The following CAMK2B variants were observed in gnomAD, a reference collection of about 807,000 sequenced individuals.
CAMK2B encodes the protein calcium/calmodulin-dependent protein kinase type II subunit beta.
CAMK2B carries 27 observed loss-of-function variants against 93.7 expected under a neutral mutation model. The ratio of observed to expected loss-of-function variants is 0.29; its 90% CI spans 0.21 to 0.40. The LOEUF (loss-of-function observed/expected upper bound fraction) is 0.40, where lower values mean the gene tolerates loss of function less well. Ranked by LOEUF, CAMK2B falls within the 10% of genes least tolerant of loss-of-function variation. The probability of loss-of-function intolerance (pLI) is 1.00; values close to 1 mark genes in which losing one functional copy is unlikely to be tolerated. For missense variants in CAMK2B, 568 were observed against 895.8 expected, an observed-to-expected ratio of 0.63 and a Z score of 4.67; for synonymous variants, 374 against 358.8, an observed-to-expected ratio of 1.04 and a Z score of -0.48.
At chr7:44,247,852 A>T (rs1033239814) in intron 5 of CAMK2B, among the ~76,000 whole-genome samples, 3 of 152,102 alleles carry the variant, frequency 2.0e-5, no homozygotes, top group South Asian at 2.1e-4. Context: ...ACATGGCGAA[A>T]CCCCGTCTCT....
At chr7:44,260,939 C>A (rs1181052285) in intron 3 of CAMK2B, among the ~76,000 whole-genome samples, 1 of 152,240 alleles carries the variant, frequency 6.6e-6, no homozygotes, top group Non-Finnish European at 1.5e-5. Context: ...CCGGGGCTGT[C>A]TGTGAGCCGA....
chr7:44,236,176 A>AGGCCTG (rs1163649677), intron 13 of CAMK2B, among the ~76,000 whole-genome samples: 1 of 152,188 alleles, frequency 6.6e-6, no homozygotes, highest in East Asian at 1.9e-4. Context: ...GGGCATAGAC[A>AGGCCTG]GGCCTGGGCC....
intron 2 of CAMK2B, among the ~76,000 whole-genome samples, chr7:44,280,637 T>A (rs2097094802): frequency 6.6e-6 from 1 of 152,234 alleles, no homozygotes; most frequent in African/African-American, 2.4e-5. Context: ...CTCAATTCAC[T>A]GACACATGTC....
At chr7:44,280,892 G>T (rs1052686817) in intron 2 of CAMK2B, among the ~76,000 whole-genome samples, 1 of 152,186 alleles carries the variant, frequency 6.6e-6, no homozygotes, top group African/African-American at 2.4e-5. Context: ...ACAGAGAAAC[G>T]AGGCAGGGAT....
chr7:44,269,183 A>C (rs901188480), intron 2 of CAMK2B, among the ~76,000 whole-genome samples: 16 of 152,160 alleles, frequency 1.1e-4, no homozygotes, highest in African/African-American at 2.9e-4. Context: ...CACAGAGAGG[A>C]GCTCAAAGCT....
At chr7:44,298,502 C>T (rs909396772) in intron 1 of CAMK2B, among the ~76,000 whole-genome samples, 3 of 152,090 alleles carry the variant, frequency 2.0e-5, no homozygotes, top group Admixed American at 6.6e-5. Context: ...GGATATGACA[C>T]CAAAAGTGCA....
At chr7:44,303,490 A>C (rs951210987) in intron 1 of CAMK2B, among the ~76,000 whole-genome samples, 1 of 152,204 alleles carries the variant, frequency 6.6e-6, no homozygotes, top group Non-Finnish European at 1.5e-5. Context: ...AGGTTTGTGA[A>C]TACCAGATAG....
intron 4 of CAMK2B, among the ~76,000 whole-genome samples, chr7:44,255,328 C>T (rs1371553570): frequency 6.6e-6 from 1 of 152,148 alleles, no homozygotes; most frequent in Non-Finnish European, 1.5e-5. Context: ...TGAAGGGCCT[C>T]TGGGAGCCGG....
chr7:44,314,053 G>A (rs1030211381), intron 1 of CAMK2B, among the ~76,000 whole-genome samples: 2 of 152,114 alleles, frequency 1.3e-5, no homozygotes, highest in Non-Finnish European at 2.9e-5. Context: ...TCTCAGCAAT[G>A]TGAACGTCGA....
intron 5 of CAMK2B, 78 bp downstream of exon 5, chr7:44,254,464 G>T: frequency 9.5e-7 from 1 of 1,048,752 alleles, no homozygotes; most frequent in Non-Finnish European, 1.5e-6. Context: ...GTTAGAAAGA[G>T]CAGCAGGAGT....
Position 44,228,810 on chromosome 7 carries a change from G to T in CAMK2B, c.1454C>A (p.Pro485His). Residue 485 changes from proline to histidine, a missense_variant, in exon 19 of 24, where the codon CCC becomes CAC. Transcript: ENST00000395749. ...CCACTACTTACACGGGGAGGACAGG[G>T]GGCCTAGGAGAGCCGGAGACAGGCA... ...PPCLSPALLG[P>H]LSSPSPRISD... 1 of 1,511,872 alleles carries T rather than the reference G, an allele frequency of 6.6e-7. No homozygotes were observed. Among genetic ancestry groups the T allele is most frequent in the East Asian group, 2.4e-5 (1 of 42,534 alleles). The allele number at this position is 1,511,872 out of a possible 1,614,324, so 93.7% of individuals were successfully genotyped here.
intron 1 of CAMK2B, among the ~76,000 whole-genome samples, chr7:44,294,660 GCTC>G (rs1787799644): frequency 6.6e-6 from 1 of 152,188 alleles, no homozygotes; most frequent in African/African-American, 2.4e-5. Flanking sequence ...CTGGCCCTCT[GCTC>G]CTCATCTCCC....
chr7:44,287,420 G>A (rs184397356), intron 1 of CAMK2B, among the ~76,000 whole-genome samples: 7 of 152,232 alleles, frequency 4.6e-5, no homozygotes, highest in East Asian at 1.9e-4. Flanking sequence ...CCATCTCCCC[G>A]GGGAACTTGG....
At chr7:44,316,104 T>C (rs542271315) in intron 1 of CAMK2B, among the ~76,000 whole-genome samples, 20 of 152,186 alleles carry the variant, frequency 1.3e-4, no homozygotes, top group Non-Finnish European at 1.6e-4. Flanking sequence ...TGCCTAGAAA[T>C]GGAAAGAGCA....
chr7:44,321,844 C>G (rs1458558333), intron 1 of CAMK2B, among the ~76,000 whole-genome samples: 1 of 152,240 alleles, frequency 6.6e-6, no homozygotes, highest in African/African-American at 2.4e-5. Flanking sequence ...CACTGACAAC[C>G]TGCCAACCTG....
At chr7:44,280,067 G>A (rs1373366611) in intron 2 of CAMK2B, among the ~76,000 whole-genome samples, 1 of 152,210 alleles carries the variant, frequency 6.6e-6, no homozygotes, top group African/African-American at 2.4e-5. Flanking sequence ...TGTTACATGA[G>A]TGAGAGTCTA....
At chr7:44,304,938 A>G (rs543194944) in intron 1 of CAMK2B, among the ~76,000 whole-genome samples, 8 of 152,348 alleles carry the variant, frequency 5.3e-5, no homozygotes, top group Non-Finnish European at 1.0e-4. Context: ...CATTGTAAAG[A>G]GAAAAAAATT....
rs1797306422 is a variant in CAMK2B, at chr7:44,325,446, G to A, written c.-25C>T. On this transcript the variant is annotated 5_prime_UTR_variant, in exon 1 of 24. Coordinates refer to ENST00000395749, the MANE Select transcript of CAMK2B (RefSeq NM_001220.5). ...TGGCGGCGGCGGACGGGCTCGGCGT[G>A]CGCTCGGCTGCGCTCGGGCGGCGGC... 1 of 1,064,106 alleles carries A rather than the reference G, an allele frequency of 9.4e-7. No homozygotes were observed. 65.9% of individuals were successfully genotyped at this position (1,064,106 alleles called of 1,614,324 possible).
At chr7:44,274,931 C>T (rs2097018102) in intron 2 of CAMK2B, among the ~76,000 whole-genome samples, 1 of 152,212 alleles carries the variant, frequency 6.6e-6, no homozygotes, top group Admixed American at 6.5e-5. Context: ...AGCCAGGCAG[C>T]ATGGAGGGCA....
Sources: allele counts gnomAD v4.1 joint callset (sites outside exome capture counted in the v4.1 genomes callset), GRCh38; gene constraint gnomAD v4.1.1; transcripts MANE v1.5; gene names NCBI Gene and HGNC (gene_info 2026-07-23, HGNC 2026-07-21).